ADAMTS2: variants seen among roughly 807,000 people sequenced by gnomAD.
ADAMTS2 encodes ADAM metallopeptidase with thrombospondin type 1 motif 2.
Under a neutral mutation model 123.0 loss-of-function variants are expected in ADAMTS2, and 50 were observed. The ratio of observed to expected loss-of-function variants is 0.41; its 90% CI spans 0.32 to 0.51. The LOEUF is 0.51. Ranked by LOEUF, ADAMTS2 falls within the 20% of genes least tolerant of loss-of-function variation. The pLI, the probability that ADAMTS2 is intolerant of heterozygous loss-of-function variation, is 0.35. For missense variants in ADAMTS2, 1,494 were observed against 1,705.2 expected, an observed-to-expected ratio of 0.88 and a Z score of 2.18; for synonymous variants, 678 against 695.4, an observed-to-expected ratio of 0.98 and a Z score of 0.39.
intron 4 of ADAMTS2, among the ~76,000 whole-genome samples, chr5:179,201,408 G>A (rs1352203784): frequency 6.6e-6 from 1 of 152,134 alleles, no homozygotes; most frequent in Admixed American, 6.5e-5. Context: ...GCGATGTTAT[G>A]CAATCATTAA....
chr5:179,182,069 C>T (rs912560451), intron 4 of ADAMTS2, among the ~76,000 whole-genome samples: 5 of 152,152 alleles, frequency 3.3e-5, no homozygotes, highest in African/African-American at 1.2e-4. Flanking sequence ...TACTCCTCCT[C>T]GAGGCCAGCT....
chr5:179,208,197 C>T (rs55932368), intron 3 of ADAMTS2, among the ~76,000 whole-genome samples: 1,811 of 102,772 alleles, frequency 0.018, 35 homozygotes, highest in African/African-American at 0.1. Flanking sequence ...TCTTCTCCCC[C>T]GAAGGGCTGC....
chr5:179,135,882 C>G, intron 13 of ADAMTS2, 27 bp downstream of exon 13: 1 of 1,612,478 alleles, frequency 6.2e-7, no homozygotes, highest in Non-Finnish European at 8.5e-7. Context: ...ACACGGTAGC[C>G]CCCCGTGCCG....
chr5:179,137,718 C>A, intron 12 of ADAMTS2, 51 bp downstream of exon 12: 1 of 1,496,928 alleles, frequency 6.7e-7, no homozygotes. Flanking sequence ...ACCCTGCCCA[C>A]CCTAGGGCCT....
At chr5:179,116,784 G>A (rs982371269) in intron 21 of ADAMTS2, among the ~76,000 whole-genome samples, 3 of 152,178 alleles carry the variant, frequency 2.0e-5, no homozygotes, top group African/African-American at 4.8e-5. Context: ...GCCCGACTTC[G>A]GCCCTGAGCT....
In ADAMTS2 at chr5:179,202,815, G is replaced by A. The variant is rs1764600227; in HGVS notation, c.891+4698C>T. ...GGGACACATGGCTTCCAAGGTTTCCGTGGCAGGGGAGACAGAGATGGAGGG... is the reference window on the plus strand; with the variant it reads ...GGGACACATGGCTTCCAAGGTTTCCATGGCAGGGGAGACAGAGATGGAGGG... On this transcript the variant is annotated intron_variant, in intron 4 of 21. Coordinates refer to ENST00000251582, the MANE Select transcript of ADAMTS2 (RefSeq NM_014244.5). This position sits in a 1 kb window ranked among gnomAD's most constrained non-coding sequence, Gnocchi z 4.0. 6.6e-6 allele frequency among the ~76,000 whole-genome samples: 1 copy of A among 152,208 alleles called. No individual in the cohort carries two copies. Among genetic ancestry groups the A allele is most frequent in the Non-Finnish European group, 1.5e-5 (1 of 68,040 alleles).
intron 11 of ADAMTS2, among the ~76,000 whole-genome samples, chr5:179,139,190 C>G (rs1026420702): frequency 2.6e-5 from 4 of 152,042 alleles, no homozygotes; most frequent in African/African-American, 4.8e-5. Flanking sequence ...CCAGCCCCCC[C>G]GGGACACTCC....
At chr5:179,245,894 T>TAAGATGCA (rs1765793708) in intron 3 of ADAMTS2, among the ~76,000 whole-genome samples, 5 of 150,840 alleles carry the variant, frequency 3.3e-5, no homozygotes, top group African/African-American at 4.9e-5. Flanking sequence ...AAGATTCTGA[T>TAAGATGCA]AAGATGCATA....
At position 179,267,312 on chromosome 5, in the gene ADAMTS2, G is replaced by C. The variant is rs2113502082; in HGVS notation, c.688+5599C>G. Among the ~76,000 whole-genome samples the C allele has an allele frequency of 2.0e-5, 3 of 152,374 alleles. No homozygotes were observed. The Middle Eastern group carries it at 0.01, about 518-fold the overall frequency. ...GAGGAGCTGCCCAGTGCCGGCGCTTGTCCTCTGTCTCCTGGAGGGCCTTCC... is the reference window on the plus strand; with the variant it reads ...GAGGAGCTGCCCAGTGCCGGCGCTTCTCCTCTGTCTCCTGGAGGGCCTTCC... On this transcript the variant is annotated intron_variant, in intron 3 of 21. Coordinates refer to ENST00000251582, the MANE Select transcript of ADAMTS2 (RefSeq NM_014244.5).
At position 179,300,094 on chromosome 5, in the gene ADAMTS2, CA is replaced by C. The variant is rs59939578; in HGVS notation, c.535-27031del. Among the ~76,000 whole-genome samples, 170 of 102,304 alleles carry C rather than the reference CA, an allele frequency of 1.7e-3. 1 individual carries two copies. The South Asian group carries it at 0.031, about 19-fold the overall frequency. 67.1% of individuals were successfully genotyped at this position (102,304 alleles called of 152,430 possible). A position where few individuals can be genotyped will look rare whatever the true frequency, so the allele number is the denominator to read the frequency against. On this transcript the variant is annotated intron_variant, in intron 2 of 21. Transcript: ENST00000251582. ...TGGGCGACAGAGTGAGACTCCGTCT[CA>C]AAAAAAAAAAAAAAAAAAGAAGAAT...
In ADAMTS2 at chr5:179,113,784, T is replaced by G; in HGVS notation, c.*83A>C. The G allele has an allele frequency of 7.1e-7, 1 of 1,406,570 alleles. No homozygotes were observed. Among genetic ancestry groups the G allele is most frequent in the Admixed American group, 1.7e-5 (1 of 58,074 alleles). The allele number at this position is 1,406,570 out of a possible 1,614,324, so 87.1% of individuals were successfully genotyped here. A position where few individuals can be genotyped will look rare whatever the true frequency, so the allele number is the denominator to read the frequency against. On this transcript the variant is annotated 3_prime_UTR_variant, in exon 22 of 22. Transcript: ENST00000251582. ...TTTGGAATCAGGAATTTTGACTTCA[T>G]CTCCATGACACAGGATTTGCTATCC...
rs922678198 is a variant in ADAMTS2, at chr5:179,272,740, C to T, written c.688+171G>A. Among the ~76,000 whole-genome samples the T allele has an allele frequency of 9.2e-5, 14 of 152,204 alleles. No individual in the cohort carries two copies. The highest frequency in any genetic ancestry group is 1.3e-4 in the Non-Finnish European group (9 of 68,030). ...GGCCCCAGCCCCAGCAGCCCTGCTA[C>T]GCCCTGCCGTCAGCCAGGCAGCTGG... is the stretch of plus-strand genomic sequence containing the variant. On this transcript the variant is annotated intron_variant, in intron 3 of 21. Coordinates refer to ENST00000251582, the MANE Select transcript of ADAMTS2 (RefSeq NM_014244.5). This position sits in a 1 kb window ranked among gnomAD's most constrained non-coding sequence, Gnocchi z 5.8.
intron 5 of ADAMTS2, among the ~76,000 whole-genome samples, chr5:179,171,834 T>C (rs1223928744): frequency 1.3e-5 from 2 of 152,146 alleles, no homozygotes; most frequent in Non-Finnish European, 2.9e-5. Flanking sequence ...CAATCATCCC[T>C]GAATTCCCGG....
chr5:179,330,856 A>T lies in ADAMTS2; in HGVS notation c.534+12911T>A, dbSNP rs563830398. 5.3e-5 allele frequency among the ~76,000 whole-genome samples: 8 copies of T among 152,348 alleles called. No homozygotes were observed. The East Asian group carries it at 1.4e-3, about 26-fold the overall frequency. On this transcript the variant is annotated intron_variant, in intron 2 of 21. Coordinates refer to ENST00000251582, the MANE Select transcript of ADAMTS2 (RefSeq NM_014244.5). ...GGATGCTCTGGCAGGGCAGGGACTCAGCCTTGACCTTGTTTGCTAGAAAAT... is the reference window on the plus strand; with the variant it reads ...GGATGCTCTGGCAGGGCAGGGACTCTGCCTTGACCTTGTTTGCTAGAAAAT...
Position 179,312,198 on chromosome 5 carries a change from C to T in ADAMTS2, c.534+31569G>A, listed in dbSNP as rs1018552873. 1.3e-5 allele frequency among the ~76,000 whole-genome samples: 2 copies of T among 152,144 alleles called. No homozygotes were observed. Among genetic ancestry groups the T allele is most frequent in the Admixed American group, 6.5e-5 (1 of 15,276 alleles). ...ATGGCAAAAAAGAACTTTGTAGATG[C>T]GGTGAGTCCAAGGATCCTGAGATGG... On this transcript the variant is annotated intron_variant, in intron 2 of 21. Transcript: ENST00000251582. The surrounding 1 kb of genome is among the most constrained non-coding windows in gnomAD (Gnocchi z 4.2).
Position 179,145,004 on chromosome 5 carries a change from C to T in ADAMTS2, c.1630-4969G>A, listed in dbSNP as rs535264480. ...TTACACTGGTGAGTGTGATAACAGA[C>T]TTGTATCCAGAATAAATAAAAAACT... On this transcript the variant is annotated intron_variant, in intron 10 of 21. Coordinates refer to ENST00000251582, the MANE Select transcript of ADAMTS2 (RefSeq NM_014244.5). 1.5e-4 allele frequency among the ~76,000 whole-genome samples: 23 copies of T among 152,196 alleles called. No individual in the cohort carries two copies. In the South Asian group the frequency reaches 4.6e-3, roughly 30 times the overall value.
Position 179,158,700 on chromosome 5 carries a change from G to GGCCC in ADAMTS2, c.1132+19_1132+22dup. 1 of 1,613,982 alleles carries GGCCC rather than the reference G, an allele frequency of 6.2e-7. No individual in the cohort carries two copies. The highest frequency in any genetic ancestry group is 8.5e-7 in the Non-Finnish European group (1 of 1,180,020). On this transcript the variant is annotated intron_variant, in intron 6 of 21. Transcript: ENST00000251582. This position sits in a 1 kb window ranked among gnomAD's most constrained non-coding sequence, Gnocchi z 5.0. ...CTCATTTCCAGCTTCACGCCTCTGT[G>GGCCC]GCCCTGCATGGGTGAGGCTCACCTT...
At chr5:179,277,278 G>A (rs1466959910) in intron 2 of ADAMTS2, among the ~76,000 whole-genome samples, 1 of 151,672 alleles carries the variant, frequency 6.6e-6, no homozygotes, top group East Asian at 1.9e-4. Context: ...ACGCATGCTG[G>A]ACGATGAACA....
At chr5:179,141,095 G>A (rs1046027849) in intron 10 of ADAMTS2, among the ~76,000 whole-genome samples, 5 of 151,806 alleles carry the variant, frequency 3.3e-5, no homozygotes, top group African/African-American at 9.7e-5. Context: ...GATTACAGGC[G>A]TGAGCCACCG....
Sources: allele counts gnomAD v4.1 joint callset (sites outside exome capture counted in the v4.1 genomes callset), GRCh38; gene constraint gnomAD v4.1.1; non-coding constraint Gnocchi (gnomAD v3.1); transcripts MANE v1.5; gene names NCBI Gene and HGNC (gene_info 2026-07-23, HGNC 2026-07-21).